NRG1: variants seen among roughly 807,000 people sequenced by gnomAD.
NRG1 encodes pro-neuregulin-1, membrane-bound isoform.
A neutral mutation model predicts 63.8 loss-of-function variants in NRG1; 18 were observed. The ratio of observed to expected loss-of-function variants is 0.28; its 90% CI spans 0.19 to 0.42. The LOEUF (loss-of-function observed/expected upper bound fraction) is 0.42. NRG1 is among the 10% of genes least tolerant of loss of function. The pLI is 1.00. For missense variants in NRG1, 762 were observed against 814.7 expected (o/e 0.94, Z 0.79); for synonymous variants, 302 against 301.3 (o/e 1.00, Z -0.02).
At chr8:31,778,583 T>C (rs960639222) in intron 1 of NRG1, among the ~76,000 whole-genome samples, 2 of 152,244 alleles carry the variant, frequency 1.3e-5, no homozygotes, top group Admixed American at 1.3e-4. Flanking sequence ...TTATCAACAC[T>C]GAACGTAGAA....
intron 1 of NRG1, among the ~76,000 whole-genome samples, chr8:32,591,797 A>C (rs1015307204): frequency 1.3e-5 from 2 of 152,160 alleles, no homozygotes; most frequent in African/African-American, 4.8e-5. Flanking sequence ...TTGAGAGCGG[A>C]GGGTGAGAAG....
exon 11 of NRG1, chr8:32,760,264 G>T (rs757580752): frequency 6.2e-7 from 1 of 1,614,030 alleles, no homozygotes; most frequent in Admixed American, 1.7e-5. Context: ...GATGTCATCC[G>T]TAGAAAACAG....
intron 1 of NRG1, among the ~76,000 whole-genome samples, chr8:32,222,245 T>G (rs142804109): frequency 2.6e-5 from 4 of 152,138 alleles, no homozygotes; most frequent in African/African-American, 7.2e-5. Flanking sequence ...AAAAAAGAGA[T>G]AAAAATAAAG....
intron 1 of NRG1, among the ~76,000 whole-genome samples, chr8:32,525,891 T>G: frequency 6.6e-6 from 1 of 152,214 alleles, no homozygotes; most frequent in African/African-American, 2.4e-5. Context: ...ATTCATCAGC[T>G]GCCCATCTGA....
chr8:32,028,277 G>T (rs923022868), intron 1 of NRG1, among the ~76,000 whole-genome samples: 4 of 152,024 alleles, frequency 2.6e-5, no homozygotes, highest in Admixed American at 6.5e-5. Flanking sequence ...AAACTTTAGG[G>T]GACTAGGACT....
intron 5 of NRG1, among the ~76,000 whole-genome samples, chr8:32,698,343 C>T (rs533573170): frequency 1.3e-5 from 2 of 152,160 alleles, no homozygotes; most frequent in Admixed American, 1.3e-4. Flanking sequence ...AGGAGAGAAA[C>T]ATCAAGAAAT....
At chr8:32,135,396 T>C (rs867347561) in intron 1 of NRG1, among the ~76,000 whole-genome samples, 8 of 152,076 alleles carry the variant, frequency 5.3e-5, no homozygotes, top group Non-Finnish European at 1.0e-4. Flanking sequence ...TGGGAAGTGT[T>C]GGTGACTGTT....
chr8:31,904,391 AACAGATGCTGGTGAGGCT>A (rs1832348177), intron 1 of NRG1, among the ~76,000 whole-genome samples: 1 of 152,212 alleles, frequency 6.6e-6, no homozygotes, highest in Admixed American at 6.5e-5. Context: ...GTCAAAAAAT[AACAGATGCTGGTGAGGCT>A]ACAGATAAAA....
chr8:31,973,092 C>G (rs952953090), intron 1 of NRG1, among the ~76,000 whole-genome samples: 3 of 152,212 alleles, frequency 2.0e-5, no homozygotes, highest in African/African-American at 7.2e-5. Flanking sequence ...CATCCCTCAC[C>G]TCATAAACCT....
At chr8:31,948,774 C>T (rs1443804669) in intron 1 of NRG1, among the ~76,000 whole-genome samples, 1 of 25,864 alleles carries the variant, frequency 3.9e-5, no homozygotes, top group Non-Finnish European at 8.6e-5. Context: ...ACTTGGCAGC[C>T]TGTAGGTGAT....
At chr8:31,834,323 A>ACACACACG (rs1463116515) in intron 1 of NRG1, among the ~76,000 whole-genome samples, 1 of 150,002 alleles carries the variant, frequency 6.7e-6, no homozygotes, top group African/African-American at 2.5e-5. Context: ...ACACACACAC[A>ACACACACG]CACACACGCA....
chr8:32,359,908 G>T (rs2129481081), intron 1 of NRG1, among the ~76,000 whole-genome samples: 1 of 152,264 alleles, frequency 6.6e-6, no homozygotes, highest in African/African-American at 2.4e-5. Flanking sequence ...GTTTGTCCTT[G>T]TGCAACAAGC....
At chr8:31,866,885 T>C (rs1829007178) in intron 1 of NRG1, among the ~76,000 whole-genome samples, 2 of 152,180 alleles carry the variant, frequency 1.3e-5, no homozygotes, top group African/African-American at 2.4e-5. Flanking sequence ...TATTGAATTG[T>C]CTAGGTAATG....
chr8:32,712,716 G>C (rs1316354241), intron 5 of NRG1, among the ~76,000 whole-genome samples: 3 of 152,056 alleles, frequency 2.0e-5, no homozygotes, highest in Admixed American at 6.6e-5. Flanking sequence ...TCCTCCTGAT[G>C]GTTTTTAGGG....
chr8:32,351,576 C>T (rs1226953057), intron 1 of NRG1, among the ~76,000 whole-genome samples: 1 of 152,184 alleles, frequency 6.6e-6, no homozygotes, highest in Non-Finnish European at 1.5e-5. Flanking sequence ...TACAGTTCCA[C>T]TCCACAGCAA....
At chr8:32,318,669 A>G (rs918876657) in intron 1 of NRG1, among the ~76,000 whole-genome samples, 6 of 152,160 alleles carry the variant, frequency 3.9e-5, no homozygotes, top group Non-Finnish European at 8.8e-5. Context: ...CAGTTTATGT[A>G]CATTTTTCCA....
chr8:32,026,952 G>GT (rs1305898108), intron 1 of NRG1, among the ~76,000 whole-genome samples: 1 of 151,744 alleles, frequency 6.6e-6, no homozygotes, highest in Non-Finnish European at 1.5e-5. Flanking sequence ...CCATTTCTCT[G>GT]TATCAGTAAC....
At chr8:31,941,363 A>T (rs561236859) in intron 1 of NRG1, among the ~76,000 whole-genome samples, 1 of 152,296 alleles carries the variant, frequency 6.6e-6, no homozygotes, top group African/African-American at 2.4e-5. Context: ...TGTGACTAAA[A>T]ACCTCAGCAA....
intron 1 of NRG1, among the ~76,000 whole-genome samples, chr8:32,338,170 T>C (rs1803570663): frequency 6.6e-6 from 1 of 152,182 alleles, no homozygotes; most frequent in Non-Finnish European, 1.5e-5. Context: ...GTGAACTCTA[T>C]CTTTTATGGA....
Sources: allele counts gnomAD v4.1 joint callset (sites outside exome capture counted in the v4.1 genomes callset), GRCh38; gene constraint gnomAD v4.1.1; transcripts MANE v1.5; gene names NCBI Gene and HGNC (gene_info 2026-07-23, HGNC 2026-07-21).